The following CAMK2B variants were observed in gnomAD, a reference collection of about 807,000 sequenced individuals.
The protein encoded by CAMK2B is calcium/calmodulin dependent protein kinase II beta, also known as calcium/calmodulin-dependent protein kinase type II subunit beta.
A neutral mutation model predicts 93.7 loss-of-function variants in CAMK2B; 27 were observed. The ratio of observed to expected loss-of-function variants is 0.29; its 90% confidence interval spans 0.21 to 0.40. The LOEUF is 0.40. Among genes scored for constraint, CAMK2B ranks in the 10% least tolerant of loss-of-function variants. The probability of loss-of-function intolerance (pLI) is 1.00; values close to 1 mark genes in which losing one functional copy is unlikely to be tolerated. For synonymous variants in CAMK2B, 374 were observed against 358.8 expected, an observed-to-expected ratio of 1.04 and a Z score of -0.48; for missense variants, 568 against 895.8, an observed-to-expected ratio of 0.63 and a Z score of 4.67.
intron 19 of CAMK2B, among the ~76,000 whole-genome samples, chr7:44,228,057 C>T (rs1004440768): frequency 4.6e-5 from 7 of 151,556 alleles, no homozygotes; most frequent in East Asian, 1.9e-4. Context: ...TGTCGGGTGG[C>T]GTGGGCTGAA....
intron 5 of CAMK2B, among the ~76,000 whole-genome samples, chr7:44,250,362 T>C (rs546242945): frequency 6.6e-6 from 1 of 152,356 alleles, no homozygotes; most frequent in South Asian, 2.1e-4. Context: ...GGTTTGTTTT[T>C]GTTTTTTCAT....
intron 1 of CAMK2B, among the ~76,000 whole-genome samples, chr7:44,299,615 G>A (rs1309266720): frequency 1.3e-5 from 2 of 152,062 alleles, no homozygotes; most frequent in Non-Finnish European, 2.9e-5. Flanking sequence ...ATACATATAA[G>A]TGAACTGTCT....
intron 1 of CAMK2B, among the ~76,000 whole-genome samples, chr7:44,295,468 C>G (rs1240879749): frequency 4.6e-5 from 7 of 152,346 alleles, no homozygotes; most frequent in African/African-American, 1.7e-4. Flanking sequence ...CTTACCAGAG[C>G]AGAAACCTCC....
intron 2 of CAMK2B, among the ~76,000 whole-genome samples, chr7:44,281,077 G>C (rs750017635): frequency 6.6e-6 from 1 of 152,202 alleles, no homozygotes; most frequent in Non-Finnish European, 1.5e-5. Flanking sequence ...GCCACAGAAC[G>C]TCAGGGAACA....
At chr7:44,221,694 C>T (rs2096409220) in intron 20 of CAMK2B, among the ~76,000 whole-genome samples, 1 of 152,152 alleles carries the variant, frequency 6.6e-6, no homozygotes, top group South Asian at 2.1e-4. Context: ...GGGCTACTCC[C>T]GGGCGCCTGC....
chr7:44,228,791 C>G lies in CAMK2B; in HGVS notation c.1468+5G>C, dbSNP rs1479993539. The G allele has an allele frequency of 6.8e-7, 1 of 1,477,660 alleles. No individual in the cohort carries two copies. The highest frequency in any genetic ancestry group is 1.4e-5 in the South Asian group (1 of 71,044). 91.5% of individuals were successfully genotyped at this position (1,477,660 alleles called of 1,614,324 possible). ...GAGGCGGCAGGCCTGGGGGCCACTA[C>G]TTACACGGGGAGGACAGGGGGCCTA... On this transcript the variant is annotated splice_donor_5th_base_variant and intron_variant, in intron 19 of 23. Transcript: ENST00000395749.
chr7:44,263,411 G>A (rs2096897075), intron 2 of CAMK2B, among the ~76,000 whole-genome samples: 1 of 152,226 alleles, frequency 6.6e-6, no homozygotes, highest in Non-Finnish European at 1.5e-5. Flanking sequence ...GCTTTTGGCT[G>A]AAGCCAAATT....
intron 1 of CAMK2B, among the ~76,000 whole-genome samples, chr7:44,310,474 C>A (rs979066805): frequency 1.3e-5 from 2 of 152,140 alleles, no homozygotes; most frequent in African/African-American, 4.8e-5. Context: ...ATGTCATGCG[C>A]GGTGGGAGGG....
intron 1 of CAMK2B, among the ~76,000 whole-genome samples, chr7:44,305,044 T>C (rs1221465318): frequency 1.3e-5 from 2 of 151,778 alleles, no homozygotes; most frequent in East Asian, 3.9e-4. Flanking sequence ...TGCCATATAG[T>C]GAAATTTAAA....
chr7:44,315,710 T>C (rs1279095628), intron 1 of CAMK2B, among the ~76,000 whole-genome samples: 1 of 152,226 alleles, frequency 6.6e-6, no homozygotes, highest in African/African-American at 2.4e-5. Flanking sequence ...GGGATGTCTT[T>C]CCATTAATTT....
At chr7:44,273,583 G>A (rs1309630332) in intron 2 of CAMK2B, among the ~76,000 whole-genome samples, 1 of 152,026 alleles carries the variant, frequency 6.6e-6, no homozygotes, top group Admixed American at 6.5e-5. Context: ...ACACATACAC[G>A]TCCCACCAAA....
At chr7:44,314,942 G>C (rs1346973618) in intron 1 of CAMK2B, among the ~76,000 whole-genome samples, 1 of 152,128 alleles carries the variant, frequency 6.6e-6, no homozygotes, top group Non-Finnish European at 1.5e-5. Flanking sequence ...TTACTGTTAG[G>C]TAGTAAAAGT....
intron 1 of CAMK2B, among the ~76,000 whole-genome samples, chr7:44,298,338 T>G (rs1029812674): frequency 5.9e-5 from 9 of 152,156 alleles, no homozygotes; most frequent in Non-Finnish European, 1.0e-4. Context: ...GATACCCACA[T>G]GCAAAACAAT....
chr7:44,240,785 A>G, intron 11 of CAMK2B, 36 bp from the exon 12 acceptor site: 2 of 1,608,880 alleles, frequency 1.2e-6, no homozygotes, highest in Non-Finnish European at 1.7e-6. Flanking sequence ...GGGCTATCCC[A>G]TCAGTGTTCC....
chr7:44,259,069 C>A, intron 3 of CAMK2B, 143 bp from the exon 4 acceptor site: 1 of 752,268 alleles, frequency 1.3e-6, no homozygotes, highest in Non-Finnish European at 2.3e-6. Context: ...CCCGGGTGGG[C>A]AGGCCAGAGG....
At chr7:44,256,168 T>A (rs2096831727) in intron 4 of CAMK2B, among the ~76,000 whole-genome samples, 1 of 152,192 alleles carries the variant, frequency 6.6e-6, no homozygotes, top group South Asian at 2.1e-4. Context: ...CTACAGCCAA[T>A]CAACCACCAC....
intron 1 of CAMK2B, among the ~76,000 whole-genome samples, chr7:44,324,815 T>C (rs1797054624): frequency 6.6e-6 from 1 of 151,926 alleles, no homozygotes; most frequent in South Asian, 2.1e-4. Context: ...CCAGGGGACC[T>C]ACAGCAGAGG....
chr7:44,309,002 G>T (rs1031748697), intron 1 of CAMK2B, among the ~76,000 whole-genome samples: 3 of 152,244 alleles, frequency 2.0e-5, no homozygotes, highest in African/African-American at 7.2e-5. Context: ...CCTGTCAGGG[G>T]GGTTGTGTCC....
At chr7:44,250,122 G>A (rs2096766360) in intron 5 of CAMK2B, among the ~76,000 whole-genome samples, 1 of 152,208 alleles carries the variant, frequency 6.6e-6, no homozygotes, top group African/African-American at 2.4e-5. Flanking sequence ...AGACAACGCT[G>A]GGCCAGGCTG....
Sources: gnomAD v4.1 joint callset for allele counts (sites outside exome capture counted in the v4.1 genomes callset) on GRCh38, gnomAD v4.1.1 for gene constraint, MANE v1.5 for transcripts, NCBI Gene and HGNC (gene_info 2026-07-23, HGNC 2026-07-21) for gene names.